RIIAD1: variants seen among roughly 807,000 people sequenced by gnomAD.
The protein encoded by RIIAD1 is RIIa domain-containing protein 1.
Under a neutral mutation model 13.3 loss-of-function variants are expected in RIIAD1, and 15 were observed. That is an observed-to-expected ratio of 1.13 (90% CI 0.76 to 1.74). The LOEUF (loss-of-function observed/expected upper bound fraction) is 1.74, where lower values mean the gene tolerates loss of function less well. Ranked by LOEUF, RIIAD1 falls within the 40% of genes most tolerant of loss-of-function variation. The pLI is 0.00. For synonymous variants in RIIAD1, 50 were observed against 43.3 expected (o/e 1.16, Z -0.61); for missense variants, 121 against 112.2 (o/e 1.08, Z -0.35).
intron 4 of RIIAD1, chr1:151,716,270 G>A (rs1472727321): frequency 2.2e-5 from 10 of 460,868 alleles, no homozygotes; most frequent in Non-Finnish European, 3.1e-5. Flanking sequence ...CTAAACAAAC[G>A]ATCTCCCTCC....
At chr1:151,727,738 T>C (rs2275920) in intron 3 of RIIAD1, 117 bp downstream of exon 3, 152,739 of 701,166 alleles carry the variant, frequency 0.22, 18,554 homozygotes, top group Middle Eastern at 0.31. Context: ...CTCCTTCACC[T>C]GATGTCCCCA....
upstream of RIIAD1, among the ~76,000 whole-genome samples, chr1:151,718,680 C>T (rs1327223873): frequency 1.3e-5 from 2 of 152,128 alleles, no homozygotes; most frequent in Non-Finnish European, 2.9e-5. Flanking sequence ...CCCGGGTCCC[C>T]CAAGTAGGGT....
chr1:151,719,996 A>G (rs962535172), upstream of RIIAD1, among the ~76,000 whole-genome samples: 5 of 152,246 alleles, frequency 3.3e-5, no homozygotes, highest in Admixed American at 2.6e-4. Flanking sequence ...AAAAATGTCT[A>G]GTAGCCATAT....
intron 2 of RIIAD1, among the ~76,000 whole-genome samples, chr1:151,724,922 C>A (rs1267639914): frequency 1.3e-5 from 2 of 151,790 alleles, no homozygotes; most frequent in African/African-American, 4.8e-5. Flanking sequence ...GCCTCAGCCT[C>A]CTGAGTAGCT....
chr1:151,711,751 A>G (rs777788385), intron 1 of RIIAD1: 2 of 152,256 alleles, frequency 1.3e-5, no homozygotes, highest in African/African-American at 4.8e-5. Context: ...CCCACGCCAA[A>G]AGAAGCAGAA....
intron 4 of RIIAD1, among the ~76,000 whole-genome samples, chr1:151,729,214 T>C (rs1647263165): frequency 6.6e-6 from 1 of 152,152 alleles, no homozygotes; most frequent in Non-Finnish European, 1.5e-5. Context: ...ATGATGTTCC[T>C]GCTGGTGGCC....
chr1:151,719,754 C>T (rs1207012347), upstream of RIIAD1: 1 of 646,522 alleles, frequency 1.5e-6, no homozygotes, highest in Admixed American at 2.5e-5. Flanking sequence ...CAAAAAGTAG[C>T]CCCTCTCATA....
chr1:151,719,899 G>C (rs1182559989), upstream of RIIAD1, among the ~76,000 whole-genome samples: 1 of 152,152 alleles, frequency 6.6e-6, no homozygotes, highest in African/African-American at 2.4e-5. Flanking sequence ...AGAGAACACT[G>C]TGCATGCCTG....
At position 151,724,941 on chromosome 1, in the gene RIIAD1, A is replaced by G. The variant is rs766246930; in HGVS notation, c.162-2634A>G. ...CAGCCTCCTGAGTAGCTAGGACTAT[A>G]GGCACCCGCCACCACGCCCGGCTAA... On this transcript the variant is annotated intron_variant, in intron 2 of 4. Transcript: ENST00000479191. Among the ~76,000 whole-genome samples the G allele has an allele frequency of 9.2e-4, 140 of 151,478 alleles. 2 individuals are homozygous for G. Among genetic ancestry groups the G allele is most frequent in the Non-Finnish European group, 4.7e-4 (32 of 67,902 alleles).
chr1:151,727,649 A>T (rs1339376120), intron 3 of RIIAD1, 28 bp downstream of exon 3: 3 of 1,500,776 alleles, frequency 2.0e-6, no homozygotes, highest in Non-Finnish European at 2.7e-6. Context: ...GGTTTTGGGT[A>T]TCTGACAAAG....
At chr1:151,715,699 G>A (rs1301928332) in intron 4 of RIIAD1, 10 of 1,544,134 alleles carry the variant, frequency 6.5e-6, no homozygotes, top group Non-Finnish European at 8.7e-6. Context: ...CCTTCACCGG[G>A]GTTTCCTGAT....
At chr1:151,721,421 C>T, upstream of RIIAD1, 2 of 491,060 alleles carry the variant, frequency 4.1e-6, no homozygotes, top group East Asian at 7.1e-5. Context: ...GCTCACCCCT[C>T]AGTTCCCTCA....
upstream of RIIAD1, among the ~76,000 whole-genome samples, chr1:151,718,110 G>C (rs1164735320): frequency 6.6e-6 from 1 of 152,150 alleles, no homozygotes; most frequent in African/African-American, 2.4e-5. Context: ...TCTAAACTGT[G>C]TCCCAGCTGA....
upstream of RIIAD1, among the ~76,000 whole-genome samples, chr1:151,718,063 G>C (rs1396776515): frequency 6.6e-6 from 1 of 152,102 alleles, no homozygotes; most frequent in East Asian, 1.9e-4. Context: ...CTTCTCCCCC[G>C]GGGTAGGGCT....
chr1:151,720,443 CA>C (rs1271500365), upstream of RIIAD1, among the ~76,000 whole-genome samples: 1 of 152,184 alleles, frequency 6.6e-6, no homozygotes, highest in East Asian at 1.9e-4. Context: ...CCAAAATGAT[CA>C]CTAACCAAGA....
chr1:151,724,405 C>A (rs1047325698), intron 2 of RIIAD1, among the ~76,000 whole-genome samples: 2 of 152,174 alleles, frequency 1.3e-5, no homozygotes, highest in Non-Finnish European at 2.9e-5. Context: ...CCGGGATGAA[C>A]CAGAATCAGC....
intron 3 of RIIAD1, chr1:151,714,390 G>A (rs574938557): frequency 6.0e-5 from 38 of 636,284 alleles, no homozygotes; most frequent in Non-Finnish European, 9.1e-5. Context: ...TCATGTTTAC[G>A]CCACTAATCG....
At chr1:151,719,105 A>T (rs951194878), upstream of RIIAD1, among the ~76,000 whole-genome samples, 1 of 152,228 alleles carries the variant, frequency 6.6e-6, no homozygotes. Context: ...GCAGACAGCA[A>T]AATGCGTCCA....
chr1:151,715,766 T>G, intron 4 of RIIAD1: 2 of 1,596,686 alleles, frequency 1.3e-6, no homozygotes, highest in Non-Finnish European at 8.5e-7. Context: ...GCCTGAACTC[T>G]TCTCCTTCCA....
Sources: gnomAD v4.1 joint callset for allele counts (sites outside exome capture counted in the v4.1 genomes callset) on GRCh38, gnomAD v4.1.1 for gene constraint, MANE v1.5 for transcripts, NCBI Gene and HGNC (gene_info 2026-07-23, HGNC 2026-07-21) for gene names.